The following DYNC1H1 variants were observed in gnomAD, a reference collection of about 807,000 sequenced individuals.
The protein encoded by DYNC1H1 is cytoplasmic dynein 1 heavy chain 1.
In DYNC1H1, 51 loss-of-function variants were observed where a neutral mutation model predicts 527.1. The observed-to-expected ratio is 0.10, with a 90% CI of 0.08 to 0.12. The LOEUF is 0.12. DYNC1H1 is among the 10% of genes least tolerant of loss of function. DYNC1H1 has a pLI of 1.00. For synonymous variants in DYNC1H1, 2,189 were observed against 2,278.8 expected, an observed-to-expected ratio of 0.96 and a Z score of 1.12; for missense variants, 2,771 against 5,971.8, an observed-to-expected ratio of 0.46 and a Z score of 17.66.
intron 10 of DYNC1H1, among the ~76,000 whole-genome samples, chr14:101,990,378 C>T (rs1470810459): frequency 6.6e-6 from 1 of 152,104 alleles, no homozygotes; most frequent in African/African-American, 2.4e-5. Flanking sequence ...CATTGAGTAC[C>T]TGTTGTGTGT....
rs2048352891 is a variant in DYNC1H1 at position 102,018,715 on chromosome 14, T to C, written c.8343+99T>C. On this transcript the variant is annotated intron_variant, in intron 41 of 77. Transcript: ENST00000360184. This position sits in a 1 kb window ranked among gnomAD's most constrained non-coding sequence, Gnocchi z 5.2. ...GTGGTTCACACCTGTAATCCCAGCATTTTGGGAGGCCAAGGTGGGTGGATC... is the reference window on the plus strand; with the variant it reads ...GTGGTTCACACCTGTAATCCCAGCACTTTGGGAGGCCAAGGTGGGTGGATC... 8.5e-7 allele frequency: 1 copy of C among 1,174,308 alleles called. No homozygotes were observed. 72.7% of individuals were successfully genotyped at this position (1,174,308 alleles called of 1,614,324 possible). A position where few individuals can be genotyped will look rare whatever the true frequency, so the allele number is the denominator to read the frequency against.
chr14:102,013,964 T>TA (rs2048290534), intron 34 of DYNC1H1, among the ~76,000 whole-genome samples: 1 of 152,156 alleles, frequency 6.6e-6, no homozygotes, highest in Non-Finnish European at 1.5e-5. Flanking sequence ...CTGATCAGCT[T>TA]ATGAGCCTTT....
At position 102,011,753 on chromosome 14, in the gene DYNC1H1, G is replaced by A. The variant is rs61992468; in HGVS notation, c.6619-122G>A. On this transcript the variant is annotated intron_variant, in intron 32 of 77. Coordinates refer to ENST00000360184, the MANE Select transcript of DYNC1H1 (RefSeq NM_001376.5). The surrounding 1 kb of genome is among the most constrained non-coding windows in gnomAD (Gnocchi z 5.3). Reference sequence around the variant, plus strand: ...GGTGACAGAGAGAGACTCCGTTTCAGGAAAAAAAAAAAAATCCACACATAA... The same window carrying A: ...GGTGACAGAGAGAGACTCCGTTTCAAGAAAAAAAAAAAAATCCACACATAA... The A allele has an allele frequency of 2.2e-5, 24 of 1,098,706 alleles. No individual in the cohort carries two copies. Among genetic ancestry groups the A allele is most frequent in the Non-Finnish European group, 3.2e-5 (24 of 744,538 alleles). 68.1% of individuals were successfully genotyped at this position (1,098,706 alleles called of 1,614,324 possible).
At position 102,022,936 on chromosome 14, in the gene DYNC1H1, A is replaced by G. The variant is rs17512558; in HGVS notation, c.8637+56A>G. The stretch of plus-strand genomic sequence containing the variant: ...TCTTTTTCTGCCATCCCTTTCTAAC[A>G]CTAACGAATTCTAACGAATTATCTT... On this transcript the variant is annotated intron_variant, in intron 43 of 77. Transcript: ENST00000360184. 4.1e-3 allele frequency: 6,560 copies of G among 1,612,778 alleles called. 19 individuals are homozygous for G. Among genetic ancestry groups the G allele is most frequent in the Non-Finnish European group, 4.5e-3 (5,294 of 1,179,352 alleles).
rs913676801 is a variant in DYNC1H1 at position 101,965,263 on chromosome 14, A to G, written c.256+316A>G. On this transcript the variant is annotated intron_variant, in intron 1 of 77. Coordinates refer to ENST00000360184, the MANE Select transcript of DYNC1H1 (RefSeq NM_001376.5). This position sits in a 1 kb window ranked among gnomAD's most constrained non-coding sequence, Gnocchi z 4.1. ...TCCCCGTCTGCCGTCACCCAAAACA[A>G]TGGGGTCGCTTTGTCTGCTCGGGCC... 1.3e-5 allele frequency among the ~76,000 whole-genome samples: 2 copies of G among 151,998 alleles called. No homozygotes were observed. Among genetic ancestry groups the G allele is most frequent in the African/African-American group, 4.8e-5 (2 of 41,410 alleles).
intron 43 of DYNC1H1, 32 bp downstream of exon 43, chr14:102,022,912 CT>C (rs762958537): frequency 6.2e-7 from 1 of 1,613,962 alleles, no homozygotes; most frequent in Non-Finnish European, 8.5e-7. Flanking sequence ...AGACATACTT[CT>C]TTTTCTGCCA....
intron 10 of DYNC1H1, 103 bp downstream of exon 10, chr14:101,988,955 A>G (rs2047965812): frequency 6.8e-7 from 1 of 1,475,248 alleles, no homozygotes. Context: ...CACCTGGCAG[A>G]TGCCACCTTA....
chr14:102,018,055 G>A lies in DYNC1H1; in HGVS notation c.8178-396G>A, dbSNP rs189898318. The A allele has an allele frequency of 1.4e-4, 36 of 253,698 alleles. No homozygotes were observed. Among genetic ancestry groups the A allele is most frequent in the African/African-American group, 8.1e-4 (36 of 44,524 alleles). The allele number at this position is 253,698 out of a possible 1,614,324, so 15.7% of individuals were successfully genotyped here. Reference sequence around the variant, plus strand: ...TGGGAGGTGGAGCTTGCAGTGAGCTGAGATCGCACCACTGCACTCCAGCCT... The same window carrying A: ...TGGGAGGTGGAGCTTGCAGTGAGCTAAGATCGCACCACTGCACTCCAGCCT... On this transcript the variant is annotated intron_variant, in intron 40 of 77. Transcript: ENST00000360184. This position sits in a 1 kb window ranked among gnomAD's most constrained non-coding sequence, Gnocchi z 5.2.
At chr14:101,998,956 A>G (rs1478474688) in intron 16 of DYNC1H1, among the ~76,000 whole-genome samples, 1 of 135,994 alleles carries the variant, frequency 7.4e-6, no homozygotes, top group African/African-American at 2.9e-5. Context: ...ATCTCCGCTC[A>G]CTGCAAGCTC....
chr14:102,046,789 G>T (rs1444530268), intron 72 of DYNC1H1, among the ~76,000 whole-genome samples: 1 of 151,222 alleles, frequency 6.6e-6, no homozygotes, highest in Non-Finnish European at 1.5e-5. Flanking sequence ...GACTCGGGCT[G>T]CTGGTTCCGT....
chr14:101,979,840 A>G lies in DYNC1H1; in HGVS notation c.640A>G (p.Thr214Ala). Residue 214 changes from threonine (T) to alanine (A), a missense_variant, in exon 4 of 78, where the codon ACA (threonine) becomes GCA (alanine). By Grantham distance (58) the Thr-to-Ala change is moderately conservative. Coordinates refer to ENST00000360184, the MANE Select transcript of DYNC1H1 (RefSeq NM_001376.5). The surrounding 1 kb of genome is among the most constrained non-coding windows in gnomAD (Gnocchi z 4.6). Reference protein sequence around the residue: ...EISLPIHPMITNVAKQCYERG... With the variant: ...EISLPIHPMIANVAKQCYERG... ...CAGCCTGCCGATTCATCCAATGATC[A>G]CAAATGTTGCAAAACAGTGTTATGA... is the stretch of plus-strand genomic sequence containing the variant. 6.2e-7 allele frequency: 1 copy of G among 1,614,228 alleles called. No individual in the cohort carries two copies. Among genetic ancestry groups the G allele is most frequent in the Non-Finnish European group, 8.5e-7 (1 of 1,180,042 alleles).
Position 102,005,016 on chromosome 14 carries a change from T to G in DYNC1H1, c.5239-26T>G. On this transcript the variant is annotated intron_variant, in intron 25 of 77. Coordinates refer to ENST00000360184, the MANE Select transcript of DYNC1H1 (RefSeq NM_001376.5). The surrounding 1 kb of genome is among the most constrained non-coding windows in gnomAD (Gnocchi z 4.0). Reference sequence around the variant, plus strand: ...CAGACCAATCTTTAAAATGATCCTTTGGGATCTTGTTTCTGTGTCTTTCAG... The same window carrying G: ...CAGACCAATCTTTAAAATGATCCTTGGGGATCTTGTTTCTGTGTCTTTCAG... 6.2e-7 allele frequency: 1 copy of G among 1,614,210 alleles called. No homozygotes were observed. Among genetic ancestry groups the G allele is most frequent in the Non-Finnish European group, 8.5e-7 (1 of 1,180,034 alleles).
chr14:102,048,409 T>G (rs2048756980), intron 73 of DYNC1H1, 107 bp from the exon 74 acceptor site: 3 of 1,464,644 alleles, frequency 2.0e-6, no homozygotes, highest in Middle Eastern at 2.1e-4. Flanking sequence ...CCTGGACAGT[T>G]CGGAAGCTCT....
rs772254712 is a variant in DYNC1H1, at chr14:101,983,125, G to A, written c.1068G>A (p.Ala356=). ...SATELDKIRQ[A]LVAIFTHLRK... The stretch of plus-strand genomic sequence containing the variant: ...CGGAGCTGGACAAAATAAGACAGGC[G>A]CTTGTTGCCATTTTCACACATTTGA... Residue 356 remains alanine, a synonymous_variant, in exon 6 of 78, where the codon GCG becomes GCA. Transcript: ENST00000360184. The surrounding 1 kb of genome is among the most constrained non-coding windows in gnomAD (Gnocchi z 5.3). 9.9e-6 allele frequency: 16 copies of A among 1,614,158 alleles called. No homozygotes were observed. The highest frequency in any genetic ancestry group is 7.7e-5 in the South Asian group (7 of 91,082).
Position 102,002,762 on chromosome 14 carries a change from G to C in DYNC1H1, c.4710-30G>C. On this transcript the variant is annotated intron_variant, in intron 22 of 77. Coordinates refer to ENST00000360184, the MANE Select transcript of DYNC1H1 (RefSeq NM_001376.5). This position sits in a 1 kb window ranked among gnomAD's most constrained non-coding sequence, Gnocchi z 4.4. ...GCGGCTAGTGACTACTCTACACAAA[G>C]GCTGACGCATGTTTTAATTTCATTT... is the stretch of plus-strand genomic sequence containing the variant. The C allele has an allele frequency of 8.7e-6, 14 of 1,614,198 alleles. No individual in the cohort carries two copies. The highest frequency in any genetic ancestry group is 1.2e-5 in the Non-Finnish European group (14 of 1,180,040).
At chr14:101,966,292 C>A (rs762554305) in intron 1 of DYNC1H1, among the ~76,000 whole-genome samples, 11 of 151,956 alleles carry the variant, frequency 7.2e-5, no homozygotes, top group Non-Finnish European at 1.5e-4. Context: ...TTTCTTATAT[C>A]CACGTGGAAT....
Position 102,002,786 on chromosome 14 carries a change from T to C in DYNC1H1, c.4710-6T>C. ...AGGCTGACGCATGTTTTAATTTCAT[T>C]TGTAGCATCAGCACTGAGTTTTTGG... On this transcript the variant is annotated splice_polypyrimidine_tract_variant and splice_region_variant and intron_variant, in intron 22 of 77. Transcript: ENST00000360184. This position sits in a 1 kb window ranked among gnomAD's most constrained non-coding sequence, Gnocchi z 4.4. 2 of 1,614,246 alleles carry C rather than the reference T, an allele frequency of 1.2e-6. No homozygotes were observed. Among genetic ancestry groups the C allele is most frequent in the African/African-American group, 1.3e-5 (1 of 75,072 alleles).
rs2048695489 is a variant in DYNC1H1 at position 102,044,755 on chromosome 14, GGGGTGGGTGGCGAGGGTCCCCACACGCA to G, written c.13006+63_13006+90del. The G allele has an allele frequency of 1.4e-6, 2 of 1,385,606 alleles. No homozygotes were observed. The highest frequency in any genetic ancestry group is 1.3e-5 in the South Asian group (1 of 74,316). 85.8% of individuals were successfully genotyped at this position (1,385,606 alleles called of 1,614,324 possible). A position where few individuals can be genotyped will look rare whatever the true frequency, so the allele number is the denominator to read the frequency against. On this transcript the variant is annotated intron_variant, in intron 72 of 77. Transcript: ENST00000360184. The surrounding 1 kb of genome is among the most constrained non-coding windows in gnomAD (Gnocchi z 7.1). ...GTGGGTGGCGAGGGTCCCCTCACGC[GGGGTGGGTGGCGAGGGTCCCCACACGCA>G]GGGTGAGTGTGCACTGCTGTCCCAG...
At chr14:101,992,793 C>T (rs2048012806) in intron 11 of DYNC1H1, among the ~76,000 whole-genome samples, 1 of 152,130 alleles carries the variant, frequency 6.6e-6, no homozygotes, top group Admixed American at 6.5e-5. Context: ...CTCCCTCCTG[C>T]GTGATGCTCT....
Sources: allele counts gnomAD v4.1 joint callset (sites outside exome capture counted in the v4.1 genomes callset), GRCh38; gene constraint gnomAD v4.1.1; non-coding constraint Gnocchi (gnomAD v3.1); transcripts MANE v1.5; gene names NCBI Gene and HGNC (gene_info 2026-07-23, HGNC 2026-07-21).